The following MDH1B variants were observed in gnomAD, a reference collection of about 807,000 sequenced individuals.
The protein encoded by MDH1B is malate dehydrogenase 1B, also known as putative malate dehydrogenase 1B.
In MDH1B, 60 loss-of-function variants were observed where a neutral mutation model predicts 61.4. That is an observed-to-expected ratio of 0.98 (90% CI 0.79 to 1.21). The LOEUF (loss-of-function observed/expected upper bound fraction) is 1.21. MDH1B is among the 50% of genes most tolerant of loss of function. The pLI, the probability that MDH1B is intolerant of heterozygous loss-of-function variation, is 0.00. For synonymous variants in MDH1B, 236 were observed against 218.7 expected, an observed-to-expected ratio of 1.08 and a Z score of -0.70; for missense variants, 587 against 632.1, an observed-to-expected ratio of 0.93 and a Z score of 0.76.
chr2:206,748,540 T>C (rs889750193), intron 7 of MDH1B, among the ~76,000 whole-genome samples: 5 of 152,232 alleles, frequency 3.3e-5, no homozygotes, highest in Non-Finnish European at 7.3e-5. Flanking sequence ...AGTGCCTCTC[T>C]CTATCCTGCC....
chr2:206,756,598 G>C (rs1043043509), intron 4 of MDH1B: 13 of 297,502 alleles, frequency 4.4e-5, no homozygotes, highest in Non-Finnish European at 7.5e-5. Flanking sequence ...GGGAAAGAGG[G>C]AGAGAGCAAC....
chr2:206,754,501 C>A (rs1416955492), intron 5 of MDH1B, among the ~76,000 whole-genome samples: 4 of 152,066 alleles, frequency 2.6e-5, no homozygotes, highest in Non-Finnish European at 5.9e-5. Context: ...TTATTATGTG[C>A]CATACACTCT....
chr2:206,739,449 A>G, intron 11 of MDH1B, 144 bp downstream of exon 11: 1 of 717,492 alleles, frequency 1.4e-6, no homozygotes, highest in Non-Finnish European at 2.3e-6. Flanking sequence ...CCAGGAGAGT[A>G]AGCAACCAAG....
chr2:206,741,219 T>C, intron 9 of MDH1B, 115 bp from the exon 10 acceptor site: 1 of 1,375,114 alleles, frequency 7.3e-7, no homozygotes, highest in Non-Finnish European at 1.0e-6. Flanking sequence ...TGACCCACAA[T>C]AAAAGACACA....
chr2:206,750,198 G>C (rs1341489143), intron 6 of MDH1B, among the ~76,000 whole-genome samples: 1 of 151,840 alleles, frequency 6.6e-6, no homozygotes, highest in Non-Finnish European at 1.5e-5. Flanking sequence ...ATGCTTCAGA[G>C]GTGCTCCTTC....
rs561877748 is a variant in MDH1B at position 206,752,839 on chromosome 2, A to G, written c.911-1764T>C. On this transcript the variant is annotated intron_variant, in intron 5 of 11. Transcript: ENST00000374412. ...GAGCATCCTGATTCTTCTTTAAATA[A>G]CTACTCCTTCTCCAGTGTCAGTCCC... 7.4e-5 allele frequency among the ~76,000 whole-genome samples: 11 copies of G among 149,162 alleles called. No homozygotes were observed. In the South Asian group the frequency reaches 2.3e-3, roughly 32 times the overall value.
chr2:206,756,672 T>A, intron 4 of MDH1B: 1 of 500,512 alleles, frequency 2.0e-6, no homozygotes, highest in Non-Finnish European at 3.5e-6. Flanking sequence ...ACCAAGTGAC[T>A]GTGTTTGTGT....
At chr2:206,756,807 G>C in intron 4 of MDH1B, 91 bp downstream of exon 4, 1 of 1,399,316 alleles carries the variant, frequency 7.1e-7, no homozygotes, top group East Asian at 2.3e-5. Context: ...TGACATTCAG[G>C]TATTCTTCCA....
At position 206,743,030 on chromosome 2, in the gene MDH1B, T is replaced by C. The variant is rs550595446; in HGVS notation, c.1409-1926A>G. Among the ~76,000 whole-genome samples, 12 of 152,278 alleles carry C rather than the reference T, an allele frequency of 7.9e-5. 1 individual carries two copies. In the South Asian group the frequency reaches 2.5e-3, roughly 32 times the overall value. ...ACGCCCAGCCGATGTCTCTAATTTATATAAACAGAAATCTGGAGAACAGGT... is the reference window on the plus strand; with the variant it reads ...ACGCCCAGCCGATGTCTCTAATTTACATAAACAGAAATCTGGAGAACAGGT... On this transcript the variant is annotated intron_variant, in intron 9 of 11. Coordinates refer to ENST00000374412, the MANE Select transcript of MDH1B (RefSeq NM_001039845.3).
intron 10 of MDH1B, 79 bp downstream of exon 10, chr2:206,740,975 A>T: frequency 6.3e-7 from 1 of 1,591,526 alleles, no homozygotes; most frequent in Non-Finnish European, 8.6e-7. Flanking sequence ...CTAGACCATA[A>T]CATTATTCTC....
At chr2:206,742,770 G>A (rs565777093) in intron 9 of MDH1B, among the ~76,000 whole-genome samples, 2 of 144,612 alleles carry the variant, frequency 1.4e-5, no homozygotes, top group South Asian at 4.4e-4. Flanking sequence ...AGGCTGGAGT[G>A]CAGTGGTGCA....
intron 2 of MDH1B, among the ~76,000 whole-genome samples, chr2:206,758,946 C>T (rs11888173): frequency 6.7e-6 from 1 of 149,252 alleles, no homozygotes; most frequent in Admixed American, 6.7e-5. Context: ...GCTGTCCGTT[C>T]TAGGCCAAGG....
At chr2:206,759,184 T>A (rs1215601020) in intron 2 of MDH1B, among the ~76,000 whole-genome samples, 1 of 152,128 alleles carries the variant, frequency 6.6e-6, no homozygotes, top group East Asian at 1.9e-4. Flanking sequence ...CCTCCCTGTG[T>A]CCACGTGTTC....
At chr2:206,745,705 G>T in intron 8 of MDH1B, 32 bp from the exon 9 acceptor site, 13 of 1,342,020 alleles carry the variant, frequency 9.7e-6, no homozygotes, top group Non-Finnish European at 1.3e-5. Flanking sequence ...AGAATTAAAT[G>T]ACCACAATTC....
At chr2:206,762,905 T>C (rs1303593754) in intron 1 of MDH1B, among the ~76,000 whole-genome samples, 1 of 152,218 alleles carries the variant, frequency 6.6e-6, no homozygotes, top group Non-Finnish European at 1.5e-5. Flanking sequence ...TTCTATCCTT[T>C]GTAGGTTTCC....
intron 4 of MDH1B, among the ~76,000 whole-genome samples, chr2:206,756,109 C>A (rs1217070794): frequency 6.6e-6 from 1 of 152,014 alleles, no homozygotes; most frequent in African/African-American, 2.4e-5. Flanking sequence ...CCGGGCATTT[C>A]TGGTATTCAC....
At chr2:206,751,754 A>G (rs1688460336) in intron 5 of MDH1B, among the ~76,000 whole-genome samples, 1 of 152,250 alleles carries the variant, frequency 6.6e-6, no homozygotes, top group African/African-American at 2.4e-5. Flanking sequence ...AAGAAGTAAA[A>G]TAAGACCATA....
At chr2:206,741,467 C>A (rs578028435) in intron 9 of MDH1B, 1 of 236,318 alleles carries the variant, frequency 4.2e-6, no homozygotes, top group East Asian at 1.2e-4. Flanking sequence ...TGGGCACAAT[C>A]TAATCAGCTG....
chr2:206,741,188 T>C, intron 9 of MDH1B, 84 bp from the exon 10 acceptor site: 1 of 1,566,724 alleles, frequency 6.4e-7, no homozygotes. Flanking sequence ...TGAGTCAATG[T>C]TTTTCAAACT....
Sources: gnomAD v4.1 joint callset for allele counts (sites outside exome capture counted in the v4.1 genomes callset) on GRCh38, gnomAD v4.1.1 for gene constraint, MANE v1.5 for transcripts, NCBI Gene and HGNC (gene_info 2026-07-23, HGNC 2026-07-21) for gene names.